RBFOX1: variants seen among roughly 807,000 people sequenced by gnomAD.
The protein encoded by RBFOX1 is RNA binding fox-1 homolog 1, also known as RNA binding protein fox-1 homolog 1.
In RBFOX1, 8 loss-of-function variants were observed where a neutral mutation model predicts 57.7. That is an observed-to-expected ratio of 0.14 (90% confidence interval 0.08 to 0.25). The LOEUF (loss-of-function observed/expected upper bound fraction) is 0.25, where lower values mean the gene tolerates loss of function less well. Ranked by LOEUF, RBFOX1 falls within the 10% of genes least tolerant of loss-of-function variation. The pLI is 1.00. For synonymous variants in RBFOX1, 326 were observed against 222.4 expected, an observed-to-expected ratio of 1.47 and a Z score of -4.15; for missense variants, 611 against 548.5, an observed-to-expected ratio of 1.11 and a Z score of -1.14.
At chr16:5,259,876 C>G (rs1050665653) in intron 1 of RBFOX1, among the ~76,000 whole-genome samples, 2 of 152,000 alleles carry the variant, frequency 1.3e-5, no homozygotes, top group African/African-American at 4.8e-5. Context: ...CTGACTTCTG[C>G]GGAGTGGGTA....
At chr16:6,866,616 A>G (rs2059971876) in intron 3 of RBFOX1, among the ~76,000 whole-genome samples, 1 of 127,724 alleles carries the variant, frequency 7.8e-6, no homozygotes, top group African/African-American at 3.1e-5. Context: ...ATCTCGGCTC[A>G]CTGCAAGCTC....
At chr16:6,955,936 C>T (rs1467473439) in intron 3 of RBFOX1, among the ~76,000 whole-genome samples, 1 of 150,392 alleles carries the variant, frequency 6.6e-6, no homozygotes, top group Non-Finnish European at 1.5e-5. Flanking sequence ...AAACTCCTGT[C>T]CGCAGGTGAT....
chr16:7,191,199 T>C (rs1017091918), intron 4 of RBFOX1, among the ~76,000 whole-genome samples: 1 of 152,206 alleles, frequency 6.6e-6, no homozygotes, highest in African/African-American at 2.4e-5. Context: ...TCTCATTTTT[T>C]AATATGGAAC....
chr16:6,861,019 A>C (rs551022374), intron 3 of RBFOX1, among the ~76,000 whole-genome samples: 1 of 152,306 alleles, frequency 6.6e-6, no homozygotes, highest in Non-Finnish European at 1.5e-5. Flanking sequence ...CAGTATGCCC[A>C]CCACTGTTAG....
At chr16:6,759,343 G>A (rs1046879444) in intron 3 of RBFOX1, among the ~76,000 whole-genome samples, 6 of 152,034 alleles carry the variant, frequency 3.9e-5, no homozygotes, top group Non-Finnish European at 7.4e-5. Context: ...TAGAGACAGT[G>A]TTTAGTCGTG....
intron 2 of RBFOX1, among the ~76,000 whole-genome samples, chr16:6,383,034 G>C (rs1190313718): frequency 1.3e-5 from 2 of 152,192 alleles, no homozygotes; most frequent in Non-Finnish European, 2.9e-5. Flanking sequence ...GTGAGCAGGA[G>C]GATTTGACAT....
chr16:7,078,450 C>T (rs1001823730), intron 4 of RBFOX1, among the ~76,000 whole-genome samples: 3 of 152,182 alleles, frequency 2.0e-5, no homozygotes, highest in African/African-American at 4.8e-5. Flanking sequence ...CGGATTCAAG[C>T]GGTTCTCCTA....
chr16:6,518,017 A>C (rs539114492), intron 2 of RBFOX1, among the ~76,000 whole-genome samples: 1 of 152,158 alleles, frequency 6.6e-6, no homozygotes, highest in South Asian at 2.1e-4. Flanking sequence ...TTGATGCCTC[A>C]TTGACTCTGA....
At chr16:6,979,638 T>A (rs191716522) in intron 3 of RBFOX1, among the ~76,000 whole-genome samples, 20 of 152,276 alleles carry the variant, frequency 1.3e-4, no homozygotes, top group Non-Finnish European at 2.2e-4. Context: ...AGAACTTTCT[T>A]TTGGGTTGCA....
At chr16:5,576,957 C>T (rs1421856615) in intron 2 of RBFOX1, among the ~76,000 whole-genome samples, 1 of 152,238 alleles carries the variant, frequency 6.6e-6, no homozygotes, top group African/African-American at 2.4e-5. Context: ...GGAGTTAAGC[C>T]GTCAATATCC....
At chr16:7,143,087 T>C (rs2074192060) in intron 4 of RBFOX1, among the ~76,000 whole-genome samples, 1 of 152,180 alleles carries the variant, frequency 6.6e-6, no homozygotes, top group Admixed American at 6.5e-5. Context: ...TCCTTTCATA[T>C]AGCATTTGAC....
intron 1 of RBFOX1, among the ~76,000 whole-genome samples, chr16:5,338,214 C>T (rs1241926461): frequency 6.6e-6 from 1 of 152,124 alleles, no homozygotes; most frequent in Non-Finnish European, 1.5e-5. Context: ...CATATGGATG[C>T]CTTGGGAGCC....
At chr16:6,374,022 G>C (rs1202411565) in intron 2 of RBFOX1, among the ~76,000 whole-genome samples, 1 of 152,148 alleles carries the variant, frequency 6.6e-6, no homozygotes, top group Non-Finnish European at 1.5e-5. Context: ...CGTAAATACA[G>C]ATTTAATATT....
At chr16:6,118,606 T>A (rs942770326) in intron 1 of RBFOX1, among the ~76,000 whole-genome samples, 1 of 151,956 alleles carries the variant, frequency 6.6e-6, no homozygotes, top group Non-Finnish European at 1.5e-5. Context: ...TCTTTCTCTG[T>A]CTCTCTTGCT....
chr16:5,381,321 C>T (rs770540146), intron 1 of RBFOX1, among the ~76,000 whole-genome samples: 9 of 152,296 alleles, frequency 5.9e-5, no homozygotes, highest in Non-Finnish European at 1.0e-4. Context: ...GCTACAGTGA[C>T]GACAATACAA....
intron 1 of RBFOX1, among the ~76,000 whole-genome samples, chr16:6,110,964 C>T (rs2096439983): frequency 6.6e-6 from 1 of 152,022 alleles, no homozygotes; most frequent in South Asian, 2.1e-4. Context: ...GTGCAGAAAA[C>T]AGTATTTCAA....
intron 3 of RBFOX1, among the ~76,000 whole-genome samples, chr16:6,839,796 A>T (rs190061030): frequency 4.6e-5 from 7 of 152,362 alleles, no homozygotes; most frequent in African/African-American, 1.7e-4. Context: ...TTGTAGTCAT[A>T]GCTAAAATCA....
At chr16:5,256,378 G>A (rs953180951) in intron 1 of RBFOX1, among the ~76,000 whole-genome samples, 2 of 152,176 alleles carry the variant, frequency 1.3e-5, no homozygotes, top group Non-Finnish European at 2.9e-5. Context: ...GGAGGGGGCT[G>A]ACAATGACCA....
chr16:5,610,056 A>AC (rs745997001), intron 3 of RBFOX1, among the ~76,000 whole-genome samples: 24 of 152,204 alleles, frequency 1.6e-4, no homozygotes, highest in Non-Finnish European at 2.2e-4. Context: ...ACTGAGCACC[A>AC]CCCTCTGACA....
Sources: allele counts gnomAD v4.1 joint callset (sites outside exome capture counted in the v4.1 genomes callset), GRCh38; gene constraint gnomAD v4.1.1; transcripts MANE v1.5; gene names NCBI Gene and HGNC (gene_info 2026-07-23, HGNC 2026-07-21).